The following PDE1A variants were observed in gnomAD, a reference collection of about 807,000 sequenced individuals.
PDE1A encodes the protein dual specificity calcium/calmodulin-dependent 3',5'-cyclic nucleotide phosphodiesterase 1A.
PDE1A carries 35 observed loss-of-function variants against 61.7 expected under a neutral mutation model. The ratio of observed to expected loss-of-function variants is 0.57; its 90% confidence interval spans 0.43 to 0.75. The LOEUF is 0.75. Among genes scored for constraint, PDE1A ranks in the 30% least tolerant of loss-of-function variants. The pLI is 0.00. For synonymous variants in PDE1A, 232 were observed against 213.2 expected (o/e 1.09, Z -0.77); for missense variants, 597 against 630.6 (o/e 0.95, Z 0.57).
the PDE1A span, among the ~76,000 whole-genome samples, chr2:182,671,118 C>T: frequency 6.6e-6 from 1 of 151,994 alleles, no homozygotes; most frequent in South Asian, 2.1e-4. Flanking sequence ...TGCGCCCAGC[C>T]ATACTATTTC....
the PDE1A span, among the ~76,000 whole-genome samples, chr2:182,528,386 A>G: frequency 6.6e-6 from 1 of 152,190 alleles, no homozygotes; most frequent in Non-Finnish European, 1.5e-5. Context: ...GAGATGAGGT[A>G]GGGTATTTAA....
chr2:182,606,795 T>C, the PDE1A span, among the ~76,000 whole-genome samples: 1 of 151,990 alleles, frequency 6.6e-6, no homozygotes, highest in African/African-American at 2.4e-5. Flanking sequence ...ACTGAAGGAA[T>C]GGAAGGCCAC....
intron 1 of PDE1A, among the ~76,000 whole-genome samples, chr2:182,269,719 AGTT>A (rs1692884853): frequency 5.9e-5 from 9 of 152,074 alleles, no homozygotes; most frequent in Admixed American, 3.9e-4. Context: ...AGTAGATACT[AGTT>A]GTTTAAGAAT....
chr2:182,641,498 A>G, the PDE1A span, among the ~76,000 whole-genome samples: 1 of 152,182 alleles, frequency 6.6e-6, no homozygotes, highest in South Asian at 2.1e-4. Context: ...TATAAATTGA[A>G]ATTTTTTAAC....
the PDE1A span, among the ~76,000 whole-genome samples, chr2:182,603,274 G>C: frequency 1.3e-5 from 2 of 152,176 alleles, no homozygotes; most frequent in Non-Finnish European, 1.5e-5. Context: ...CCTAAAAATG[G>C]TATAACTGAG....
intron 1 of PDE1A, among the ~76,000 whole-genome samples, chr2:182,294,067 G>T (rs535089172): frequency 3.3e-5 from 5 of 152,324 alleles, no homozygotes; most frequent in Admixed American, 6.5e-5. Context: ...TATGTCTCTG[G>T]CAGGACAAAG....
intron 2 of PDE1A, among the ~76,000 whole-genome samples, chr2:182,508,145 T>A (rs1689532429): frequency 6.6e-6 from 1 of 151,932 alleles, no homozygotes; most frequent in Middle Eastern, 3.4e-3. Context: ...TTTATGATTA[T>A]CTCAATAGAT....
At chr2:182,692,935 T>C in the PDE1A span, among the ~76,000 whole-genome samples, 3 of 151,996 alleles carry the variant, frequency 2.0e-5, no homozygotes, top group East Asian at 1.9e-4. Context: ...AAATCTAGTT[T>C]CCATTTTTAT....
chr2:182,709,018 C>T, the PDE1A span, among the ~76,000 whole-genome samples: 1 of 152,090 alleles, frequency 6.6e-6, no homozygotes, highest in Non-Finnish European at 1.5e-5. Flanking sequence ...GTTCCTATGT[C>T]ATCTATTTAC....
At chr2:182,387,382 C>T (rs1701172594) in intron 1 of PDE1A, among the ~76,000 whole-genome samples, 2 of 151,326 alleles carry the variant, frequency 1.3e-5, no homozygotes, top group African/African-American at 4.9e-5. Context: ...CTGCCAAATC[C>T]CCCTCTGCCA....
the PDE1A span, among the ~76,000 whole-genome samples, chr2:182,645,727 G>A: frequency 1.3e-5 from 2 of 152,068 alleles, no homozygotes; most frequent in African/African-American, 4.8e-5. Flanking sequence ...TTAATATATG[G>A]CCACTACAGA....
At chr2:182,489,594 T>G (rs1688251614) in intron 2 of PDE1A, among the ~76,000 whole-genome samples, 1 of 152,196 alleles carries the variant, frequency 6.6e-6, no homozygotes, top group Non-Finnish European at 1.5e-5. Context: ...TGAAGGTAGA[T>G]TCCACAAGAT....
chr2:182,318,296 A>G (rs1181447552), intron 1 of PDE1A, among the ~76,000 whole-genome samples: 1 of 152,096 alleles, frequency 6.6e-6, no homozygotes, highest in Non-Finnish European at 1.5e-5. Flanking sequence ...TAAAACTGCA[A>G]TGCCAATGAT....
the PDE1A span, among the ~76,000 whole-genome samples, chr2:182,703,917 C>A: frequency 5.3e-5 from 8 of 152,076 alleles, no homozygotes; most frequent in South Asian, 1.5e-3. Context: ...AAACTCAGTT[C>A]TGGCCGGGCG....
intron 1 of PDE1A, among the ~76,000 whole-genome samples, chr2:182,357,685 T>C (rs1288590602): frequency 6.6e-6 from 1 of 152,202 alleles, no homozygotes; most frequent in African/African-American, 2.4e-5. Context: ...ATTAGTAATG[T>C]CTGGTGAAAA....
chr2:182,579,218 T>C, the PDE1A span, among the ~76,000 whole-genome samples: 1,684 of 152,336 alleles, frequency 0.011, 36 homozygotes, highest in African/African-American at 0.038. Context: ...CCATCTCTGC[T>C]GCTGAATGGG....
chr2:182,250,501 CCT>C (rs1333443775), intron 2 of PDE1A, among the ~76,000 whole-genome samples: 1 of 152,018 alleles, frequency 6.6e-6, no homozygotes, highest in Non-Finnish European at 1.5e-5. Context: ...TTATTTATTC[CCT>C]GTTTTGTTCC....
chr2:182,297,107 A>T (rs1373772286), intron 1 of PDE1A, among the ~76,000 whole-genome samples: 1 of 152,184 alleles, frequency 6.6e-6, no homozygotes, highest in African/African-American at 2.4e-5. Context: ...CTTCCTAAAT[A>T]TATCCTCTTG....
chr2:182,244,715 AT>A (rs1470827353), intron 2 of PDE1A, among the ~76,000 whole-genome samples: 2 of 151,828 alleles, frequency 1.3e-5, no homozygotes, highest in South Asian at 2.1e-4. Flanking sequence ...TTCTTGTGGT[AT>A]TTTTTTATAT....
Sources: gnomAD v4.1 joint callset for allele counts (sites outside exome capture counted in the v4.1 genomes callset) on GRCh38, gnomAD v4.1.1 for gene constraint, MANE v1.5 for transcripts, NCBI Gene and HGNC (gene_info 2026-07-23, HGNC 2026-07-21) for gene names.